The following NSD2 variants were observed in gnomAD, a reference collection of about 807,000 sequenced individuals.
NSD2 encodes the protein histone-lysine N-methyltransferase NSD2.
In NSD2, 12 loss-of-function variants were observed where a neutral mutation model predicts 139.0. That is an observed-to-expected ratio of 0.09 (90% confidence interval 0.06 to 0.14). The LOEUF is 0.14. Ranked by LOEUF, NSD2 falls within the 10% of genes least tolerant of loss-of-function variation. The pLI, the probability that NSD2 is intolerant of heterozygous loss-of-function variation, is 1.00. For missense variants in NSD2, 1,155 were observed against 1,745.0 expected (o/e 0.66, Z 6.02); for synonymous variants, 669 against 648.7 (o/e 1.03, Z -0.48).
Position 1,901,116 on chromosome 4 carries a change from A to G in NSD2, c.462A>G (p.Ser154=), listed in dbSNP as rs767034741. 7 of 1,614,130 alleles carry G rather than the reference A, an allele frequency of 4.3e-6. No homozygotes were observed. In the East Asian group the frequency reaches 8.9e-5, roughly 21 times the overall value. Residue 154 remains serine, a synonymous_variant, in exon 2 of 22, where the codon TCA becomes TCG. Coordinates refer to ENST00000508803, the MANE Select transcript of NSD2 (RefSeq NM_001042424.3). ...ACAGTGCTGCTGATGTGTCTCAGTC[A>G]GAAGAAAATGGACAAAAACCAGAAA... ...CGDSAADVSQ[S]EENGQKPENK...
intron 1 of NSD2, among the ~76,000 whole-genome samples, chr4:1,895,117 C>T (rs1484785824): frequency 6.6e-6 from 1 of 152,194 alleles, no homozygotes; most frequent in Admixed American, 6.5e-5. Flanking sequence ...TCAGCATTTC[C>T]TTCCTTTTAA....
Position 1,942,532 on chromosome 4 carries a change from A to G in NSD2, c.1881+2754A>G, listed in dbSNP as rs1317656867. The stretch of plus-strand genomic sequence containing the variant: ...TTACTGGTATTAATAAACACATACA[A>G]TGAAGAAAACAGATAACAAATTTTA... On this transcript the variant is annotated intron_variant, in intron 9 of 21. Coordinates refer to ENST00000508803, the MANE Select transcript of NSD2 (RefSeq NM_001042424.3). The surrounding 1 kb of genome is among the most constrained non-coding windows in gnomAD (Gnocchi z 4.0). The G allele has an allele frequency of 4.9e-6, 7 of 1,420,422 alleles. No homozygotes were observed. The highest frequency in any genetic ancestry group is 5.5e-6 in the Non-Finnish European group (6 of 1,083,252). The allele number at this position is 1,420,422 out of a possible 1,614,324, so 88.0% of individuals were successfully genotyped here.
rs1560830422 is a variant in NSD2 at position 1,979,360 on chromosome 4, G to C, written c.*451G>C. ...CGCCACTCGGGAGAGGCTGGGTGAG[G>C]CCCGTGTGAGGACTGACCCTGGATT... is the stretch of plus-strand genomic sequence containing the variant. On this transcript the variant is annotated 3_prime_UTR_variant, in exon 22 of 22. Transcript: ENST00000508803. The C allele has an allele frequency of 4.2e-6, 1 of 237,962 alleles. No individual in the cohort carries two copies. Among genetic ancestry groups the C allele is most frequent in the East Asian group, 6.0e-5 (1 of 16,672 alleles). The allele number at this position is 237,962 out of a possible 1,614,324, so 14.7% of individuals were successfully genotyped here.
At chr4:1,946,977 G>C in intron 9 of NSD2, 1 of 1,062,790 alleles carries the variant, frequency 9.4e-7, no homozygotes, top group Non-Finnish European at 1.1e-6. Context: ...GAAGCATGCT[G>C]ACCATCCAGG....
chr4:1,925,396 T>C (rs993196620), intron 5 of NSD2, among the ~76,000 whole-genome samples: 2 of 135,148 alleles, frequency 1.5e-5, no homozygotes, highest in Non-Finnish European at 3.2e-5. Flanking sequence ...TTTCTTTTTT[T>C]TTTTTTTTTT....
intron 9 of NSD2, among the ~76,000 whole-genome samples, chr4:1,949,330 G>A (rs919633106): frequency 2.0e-5 from 3 of 152,190 alleles, no homozygotes; most frequent in Admixed American, 6.5e-5. Context: ...TCCTGGAAAA[G>A]GTGAGGAAAC....
At chr4:1,946,027 A>G (rs939544621) in intron 9 of NSD2, 7 of 1,038,586 alleles carry the variant, frequency 6.7e-6, no homozygotes, top group Middle Eastern at 4.4e-4. Flanking sequence ...GTGAAAATGT[A>G]ACATTTTATG....
At chr4:1,873,971 C>G (rs1560536424) in intron 1 of NSD2, among the ~76,000 whole-genome samples, 1 of 152,160 alleles carries the variant, frequency 6.6e-6, no homozygotes, top group Non-Finnish European at 1.5e-5. Flanking sequence ...TCAAGTGATT[C>G]TCCCGCCTCA....
chr4:1,955,042 C>A lies in NSD2; in HGVS notation c.2339-119C>A. 2 of 1,115,122 alleles carry A rather than the reference C, an allele frequency of 1.8e-6. No individual in the cohort carries two copies. The highest frequency in any genetic ancestry group is 2.5e-6 in the Non-Finnish European group (2 of 796,066). The allele number at this position is 1,115,122 out of a possible 1,614,324, so 69.1% of individuals were successfully genotyped here. A position where few individuals can be genotyped will look rare whatever the true frequency, so the allele number is the denominator to read the frequency against. On this transcript the variant is annotated intron_variant, in intron 12 of 21. Transcript: ENST00000508803. The surrounding 1 kb of genome is among the most constrained non-coding windows in gnomAD (Gnocchi z 4.7). The stretch of plus-strand genomic sequence containing the variant: ...AAAGCTTTTTTTAAATCAAATACCT[C>A]CATTTCATTTTAGCATTAACTTTTC...
At chr4:1,952,981 C>T (rs1310745906) in intron 11 of NSD2, 2 of 1,436,306 alleles carry the variant, frequency 1.4e-6, no homozygotes, top group Admixed American at 2.9e-5. Flanking sequence ...ACTGCTCCAC[C>T]ACTGGCCAGC....
intron 18 of NSD2, among the ~76,000 whole-genome samples, chr4:1,961,612 C>G (rs1036343662): frequency 3.9e-5 from 6 of 152,084 alleles, no homozygotes; most frequent in African/African-American, 1.2e-4. Flanking sequence ...CATTTTGGAA[C>G]CTAGGTGCTA....
intron 5 of NSD2, chr4:1,919,167 C>CAAAA (rs1176192458): frequency 4.8e-5 from 3 of 63,008 alleles, no homozygotes; most frequent in Admixed American, 2.0e-4. Context: ...GACTGTGTCT[C>CAAAA]AAAAAAAAAA....
At chr4:1,910,294 C>T (rs1243055804) in intron 3 of NSD2, among the ~76,000 whole-genome samples, 2 of 151,726 alleles carry the variant, frequency 1.3e-5, no homozygotes, top group Non-Finnish European at 2.9e-5. Flanking sequence ...GTCACAATCT[C>T]GGCTCACTGC....
chr4:1,898,658 TAAAA>T (rs967880779), intron 1 of NSD2, among the ~76,000 whole-genome samples: 2 of 119,310 alleles, frequency 1.7e-5, no homozygotes, highest in Admixed American at 8.9e-5. Flanking sequence ...AGACTCCGTC[TAAAA>T]AAAAAAAAAC....
intron 1 of NSD2, among the ~76,000 whole-genome samples, chr4:1,895,413 A>G (rs1397884228): frequency 1.1e-4 from 16 of 152,166 alleles, no homozygotes; most frequent in African/African-American, 3.4e-4. Context: ...AATTTATCTT[A>G]CATGGTTTTC....
At chr4:1,879,013 C>T (rs1272061897) in intron 1 of NSD2, among the ~76,000 whole-genome samples, 1 of 152,054 alleles carries the variant, frequency 6.6e-6, no homozygotes, top group Non-Finnish European at 1.5e-5. Context: ...AAGTGGGCCT[C>T]GCTTCTGACC....
At chr4:1,950,985 G>GT in intron 9 of NSD2, 87 bp from the exon 10 acceptor site, 19 of 1,543,894 alleles carry the variant, frequency 1.2e-5, no homozygotes, top group Non-Finnish European at 1.6e-5. Flanking sequence ...GGGTGGTGGG[G>GT]TGGGGCGGGA....
chr4:1,951,009 A>C, intron 9 of NSD2, 63 bp from the exon 10 acceptor site: 1 of 1,593,966 alleles, frequency 6.3e-7, no homozygotes, highest in Non-Finnish European at 8.6e-7. Context: ...GCCTGCCTGC[A>C]GGGCATGGCC....
chr4:1,946,630 A>G (rs1723665199), intron 9 of NSD2: 7 of 1,032,656 alleles, frequency 6.8e-6, no homozygotes, highest in Non-Finnish European at 8.2e-6. Context: ...TGTCAACGAA[A>G]TTGGTTTTGA....
Sources: allele counts gnomAD v4.1 joint callset (sites outside exome capture counted in the v4.1 genomes callset), GRCh38; gene constraint gnomAD v4.1.1; non-coding constraint Gnocchi (gnomAD v3.1); transcripts MANE v1.5; gene names NCBI Gene and HGNC (gene_info 2026-07-23, HGNC 2026-07-21).